C11orf58: variants seen among roughly 807,000 people sequenced by gnomAD.
C11orf58 encodes the protein chromosome 11 open reading frame 58.
Under a neutral mutation model 22.7 loss-of-function variants are expected in C11orf58, and 5 were observed. The observed-to-expected ratio is 0.22, with a 90% confidence interval of 0.12 to 0.46. C11orf58 has a LOEUF of 0.46. Ranked by LOEUF, C11orf58 falls within the 20% of genes least tolerant of loss-of-function variation. C11orf58 has a pLI of 0.99. For synonymous variants in C11orf58, 71 were observed against 70.7 expected, an observed-to-expected ratio of 1.00 and a Z score of -0.02; for missense variants, 151 against 223.3, an observed-to-expected ratio of 0.68 and a Z score of 2.06.
rs1247353895 is a variant in C11orf58, at chr11:16,758,281, T to C, written c.*3177T>C. 6.6e-6 allele frequency among the ~76,000 whole-genome samples: 1 copy of C among 152,186 alleles called. No homozygotes were observed. Among genetic ancestry groups the C allele is most frequent in the Admixed American group, 6.5e-5 (1 of 15,284 alleles). ...CAAGCCCTCCTACCCTCACCAGTTA[T>C]TTCTGGAGAAAGATCACCAAATGTA... On this transcript the variant is annotated 3_prime_UTR_variant, in exon 5 of 5. Transcript: ENST00000228136.
chr11:16,747,102 G>A (rs1049336295), intron 2 of C11orf58: 3 of 152,170 alleles, frequency 2.0e-5, no homozygotes, highest in Middle Eastern at 3.2e-3. Context: ...GAATAGATCA[G>A]TGCAATACTG....
chr11:16,743,983 C>T (rs1848468398), intron 1 of C11orf58, among the ~76,000 whole-genome samples: 1 of 147,502 alleles, frequency 6.8e-6, no homozygotes, highest in South Asian at 2.1e-4. Flanking sequence ...TCTCTTTGTT[C>T]TTTGGAAGAC....
chr11:16,749,059 A>C (rs1264973849), intron 3 of C11orf58: 1 of 152,210 alleles, frequency 6.6e-6, no homozygotes, highest in Non-Finnish European at 1.5e-5. Context: ...TGAAGAATAT[A>C]AACTAGTTGC....
At chr11:16,739,995 C>T (rs1020678916) in intron 1 of C11orf58, among the ~76,000 whole-genome samples, 12 of 152,296 alleles carry the variant, frequency 7.9e-5, no homozygotes, top group Non-Finnish European at 5.9e-5. Flanking sequence ...TCGACTTCAG[C>T]TCTGCAGAAA....
chr11:16,744,409 C>G (rs181368835), intron 1 of C11orf58, 192 bp from the exon 2 acceptor site: 2 of 549,574 alleles, frequency 3.6e-6, no homozygotes, highest in African/African-American at 1.9e-5. Flanking sequence ...CTAAAGGATT[C>G]TGCTGTGAGG....
At chr11:16,749,269 T>A (rs1272360683) in intron 3 of C11orf58, 1 of 151,932 alleles carries the variant, frequency 6.6e-6, no homozygotes, top group African/African-American at 2.4e-5. Flanking sequence ...AACAAAACTT[T>A]AAGTTATTTA....
Position 16,754,547 on chromosome 11 carries a change from C to CT in C11orf58, c.319-286dup, listed in dbSNP as rs573626223. Among the ~76,000 whole-genome samples the CT allele has an allele frequency of 8.4e-3, 266 of 31,486 alleles. 103 individuals carry two copies. The highest frequency in any genetic ancestry group is 0.011 in the Non-Finnish European group (161 of 15,284). The allele number at this position is 31,486 out of a possible 152,430, so 20.7% of individuals were successfully genotyped here. A position where few individuals can be genotyped will look rare whatever the true frequency, so the allele number is the denominator to read the frequency against. ...TTTTAGTTTCTCTCTCTCTCTCTCC[C>CT]TTTTTTTTTTTTTTTTTTTTTTTTT... On this transcript the variant is annotated intron_variant, in intron 4 of 4. Transcript: ENST00000228136.
Position 16,738,655 on chromosome 11 carries a change from C to T in C11orf58, c.-124C>T. On this transcript the variant is annotated 5_prime_UTR_variant, in exon 1 of 5. Coordinates refer to ENST00000228136, the MANE Select transcript of C11orf58 (RefSeq NM_014267.6). ...ACGGTGACGACTGTGGCAGAGAAGGCCCGGAGGGGCTCTGCGTTCTGTAGT... is the reference window on the plus strand; with the variant it reads ...ACGGTGACGACTGTGGCAGAGAAGGTCCGGAGGGGCTCTGCGTTCTGTAGT... The T allele has an allele frequency of 1.8e-6, 2 of 1,094,334 alleles. No homozygotes were observed. Among genetic ancestry groups the T allele is most frequent in the East Asian group, 2.4e-5 (1 of 41,798 alleles). The allele number at this position is 1,094,334 out of a possible 1,614,324, so 67.8% of individuals were successfully genotyped here.
intron 4 of C11orf58, 134 bp from the exon 5 acceptor site, chr11:16,754,737 A>G (rs1848561808): frequency 7.1e-7 from 1 of 1,408,724 alleles, no homozygotes; most frequent in Non-Finnish European, 9.5e-7. Flanking sequence ...TTAAAATTCT[A>G]CTCAAGTCTT....
intron 2 of C11orf58, among the ~76,000 whole-genome samples, chr11:16,745,985 G>A (rs920251604): frequency 1.3e-5 from 2 of 152,116 alleles, no homozygotes; most frequent in African/African-American, 4.8e-5. Flanking sequence ...TGGATCCTGG[G>A]TGGTCATATA....
chr11:16,745,207 A>ATGTGT (rs1848478451), intron 2 of C11orf58, among the ~76,000 whole-genome samples: 1 of 152,170 alleles, frequency 6.6e-6, no homozygotes. Flanking sequence ...ACCAGGGGGA[A>ATGTGT]AGAAAACCTT....
intron 1 of C11orf58, among the ~76,000 whole-genome samples, chr11:16,743,739 ATTTAG>A (rs1370977067): frequency 1.3e-5 from 2 of 152,206 alleles, no homozygotes; most frequent in Non-Finnish European, 2.9e-5. Context: ...CTTAAAAACT[ATTTAG>A]TTATTTTTAG....
Position 16,752,776 on chromosome 11 carries a change from G to T in C11orf58, c.209-9G>T. 6.3e-7 allele frequency: 1 copy of T among 1,575,394 alleles called. No homozygotes were observed. The highest frequency in any genetic ancestry group is 8.7e-7 in the Non-Finnish European group (1 of 1,148,602). ...ACTGAAACATAACTAAAGTATCCTGGACATGCAGGGGAAGAAGACAAGAAA... is the reference window on the plus strand; with the variant it reads ...ACTGAAACATAACTAAAGTATCCTGTACATGCAGGGGAAGAAGACAAGAAA... On this transcript the variant is annotated splice_polypyrimidine_tract_variant and intron_variant, in intron 3 of 4. Coordinates refer to ENST00000228136, the MANE Select transcript of C11orf58 (RefSeq NM_014267.6).
In C11orf58 at chr11:16,758,062, G is replaced by T. The variant is rs1047265857; in HGVS notation, c.*2958G>T. Among the ~76,000 whole-genome samples the T allele has an allele frequency of 6.6e-6, 1 of 152,152 alleles. No homozygotes were observed. Among genetic ancestry groups the T allele is most frequent in the Non-Finnish European group, 1.5e-5 (1 of 68,030 alleles). ...CACATCCTAAATACTTGGAATATCCGAAAACAACTTCTAAAATCACTCAAT... is the reference window on the plus strand; with the variant it reads ...CACATCCTAAATACTTGGAATATCCTAAAACAACTTCTAAAATCACTCAAT... On this transcript the variant is annotated 3_prime_UTR_variant, in exon 5 of 5. Coordinates refer to ENST00000228136, the MANE Select transcript of C11orf58 (RefSeq NM_014267.6).
At chr11:16,750,716 T>G (rs1442940021) in intron 3 of C11orf58, 2 of 154,252 alleles carry the variant, frequency 1.3e-5, no homozygotes, top group African/African-American at 4.8e-5. Flanking sequence ...GAGGATATAT[T>G]ATGTGCACTT....
chr11:16,750,691 C>T (rs1848526019), intron 3 of C11orf58: 1 of 154,172 alleles, frequency 6.5e-6, no homozygotes, highest in South Asian at 2.0e-4. Context: ...ATACATTTTT[C>T]AGGAGGATGT....
chr11:16,746,651 T>C (rs1848490001), intron 2 of C11orf58: 1 of 152,202 alleles, frequency 6.6e-6, no homozygotes, highest in South Asian at 2.1e-4. Context: ...TATATGGAAG[T>C]TGACTAACTA....
intron 4 of C11orf58, 152 bp from the exon 5 acceptor site, chr11:16,754,719 G>A: frequency 7.8e-7 from 1 of 1,288,134 alleles, no homozygotes; most frequent in Non-Finnish European, 1.0e-6. Context: ...GCCAGACAGA[G>A]CTCTTTCTTA....
In C11orf58 at chr11:16,756,238, T is replaced by C. The variant is rs887785001; in HGVS notation, c.*1134T>C. On this transcript the variant is annotated 3_prime_UTR_variant, in exon 5 of 5. Coordinates refer to ENST00000228136, the MANE Select transcript of C11orf58 (RefSeq NM_014267.6). ...GCTGAGCTATTATACATCTACATACTTAAAGGATGTATTTGGAGTGTTGGA... is the reference window on the plus strand; with the variant it reads ...GCTGAGCTATTATACATCTACATACCTAAAGGATGTATTTGGAGTGTTGGA... The C allele has an allele frequency of 2.6e-5, 4 of 151,792 alleles. No homozygotes were observed. Among genetic ancestry groups the C allele is most frequent in the African/African-American group, 9.7e-5 (4 of 41,352 alleles). 9.4% of individuals were successfully genotyped at this position (151,792 alleles called of 1,614,324 possible).
Sources: allele counts gnomAD v4.1 joint callset (sites outside exome capture counted in the v4.1 genomes callset), GRCh38; gene constraint gnomAD v4.1.1; transcripts MANE v1.5; gene names NCBI Gene and HGNC (gene_info 2026-07-23, HGNC 2026-07-21).